Variants in SMG6 observed in about 807,000 individuals in gnomAD.
SMG6 encodes the protein telomerase-binding protein EST1A.
Under a neutral mutation model 142.2 loss-of-function variants are expected in SMG6, and 66 were observed. The observed-to-expected ratio is 0.46, with a 90% CI of 0.38 to 0.57. The LOEUF is 0.57. Ranked by LOEUF, SMG6 falls within the 20% of genes least tolerant of loss-of-function variation. The pLI, the probability that SMG6 is intolerant of heterozygous loss-of-function variation, is 0.00. For synonymous variants in SMG6, 779 were observed against 702.4 expected (o/e 1.11, Z -1.72); for missense variants, 1,793 against 1,832.0 (o/e 0.98, Z 0.39).
At chr17:2,173,630 T>C (rs2071572574) in intron 12 of SMG6, among the ~76,000 whole-genome samples, 1 of 152,150 alleles carries the variant, frequency 6.6e-6, no homozygotes, top group East Asian at 1.9e-4. Context: ...CCCCCAGTCC[T>C]GGGCAAACTG....
intron 8 of SMG6, among the ~76,000 whole-genome samples, chr17:2,247,445 A>C (rs1042548932): frequency 6.6e-6 from 1 of 152,186 alleles, no homozygotes; most frequent in South Asian, 2.1e-4. Flanking sequence ...TCCCTTATAA[A>C]CTGGTTCTAT....
chr17:2,302,076 C>A (rs1271489540), intron 1 of SMG6, among the ~76,000 whole-genome samples: 1 of 151,792 alleles, frequency 6.6e-6, no homozygotes, highest in Non-Finnish European at 1.5e-5. Context: ...AACATGGCAA[C>A]ACCCTGTCTC....
intron 13 of SMG6, among the ~76,000 whole-genome samples, chr17:2,153,865 C>A (rs1445904069): frequency 1.1e-5 from 1 of 92,572 alleles, no homozygotes; most frequent in African/African-American, 4.5e-5. Context: ...TGGGGATGCA[C>A]GTAGAGTGTG....
At chr17:2,089,851 T>C in intron 13 of SMG6, 1 of 152,186 alleles carries the variant, frequency 6.6e-6, no homozygotes. Flanking sequence ...GTTACTGTTC[T>C]GGGGTATTTA....
chr17:2,154,757 A>G (rs951731495), intron 13 of SMG6, among the ~76,000 whole-genome samples: 1 of 152,222 alleles, frequency 6.6e-6, no homozygotes, highest in African/African-American at 2.4e-5. Flanking sequence ...ATTAAAAAGT[A>G]TAAGGACAGC....
chr17:2,197,371 C>G (rs2072361787), intron 10 of SMG6, among the ~76,000 whole-genome samples: 1 of 151,958 alleles, frequency 6.6e-6, no homozygotes. Context: ...TGAGACCAGC[C>G]CTGGCAACAT....
At chr17:2,266,252 G>A in intron 8 of SMG6, 1 of 871,246 alleles carries the variant, frequency 1.1e-6, no homozygotes, top group Non-Finnish European at 1.4e-6. Context: ...TGGCCTGTGG[G>A]TAACACAGAA....
chr17:2,248,899 T>C (rs1485556955), intron 8 of SMG6, among the ~76,000 whole-genome samples: 4 of 151,940 alleles, frequency 2.6e-5, no homozygotes, highest in Admixed American at 2.6e-4. Flanking sequence ...AACTTTTTTT[T>C]TTTTTGAGAC....
intron 14 of SMG6, among the ~76,000 whole-genome samples, chr17:2,082,530 C>T (rs1332870036): frequency 6.6e-6 from 1 of 152,264 alleles, no homozygotes; most frequent in East Asian, 1.9e-4. Flanking sequence ...ACTGCTGGGC[C>T]CCTTTACTGG....
In SMG6 at chr17:2,286,307, CAAA is replaced by C. The variant is rs74656326; in HGVS notation, c.2338-2575_2338-2573del. 5.6e-5 allele frequency among the ~76,000 whole-genome samples: 5 copies of C among 89,310 alleles called. No homozygotes were observed. In the East Asian group the frequency reaches 1.4e-3, roughly 25 times the overall value. 58.6% of individuals were successfully genotyped at this position (89,310 alleles called of 152,430 possible). ...ATAATTACAAGGGACCTCAAATGGC[CAAA>C]AAAAAAAAAAAAAAACGAAGTTAGG... On this transcript the variant is annotated intron_variant, in intron 6 of 18. Coordinates refer to ENST00000263073, the MANE Select transcript of SMG6 (RefSeq NM_017575.5).
intron 10 of SMG6, among the ~76,000 whole-genome samples, chr17:2,200,774 A>T (rs2072497356): frequency 6.6e-6 from 1 of 152,066 alleles, no homozygotes; most frequent in Non-Finnish European, 1.5e-5. Context: ...CAGTGGCGCA[A>T]TCATAGCTCA....
chr17:2,200,693 C>A (rs941202175), intron 10 of SMG6, among the ~76,000 whole-genome samples: 1 of 152,020 alleles, frequency 6.6e-6, no homozygotes, highest in Non-Finnish European at 1.5e-5. Context: ...GACACACATA[C>A]ACACAATTTA....
chr17:2,133,388 C>G (rs1034992475), intron 13 of SMG6, among the ~76,000 whole-genome samples: 5 of 152,106 alleles, frequency 3.3e-5, no homozygotes, highest in African/African-American at 1.2e-4. Context: ...AAATGGCAGC[C>G]TTCATAACAA....
intron 7 of SMG6, among the ~76,000 whole-genome samples, chr17:2,283,125 G>A (rs377572807): frequency 7.9e-5 from 12 of 152,128 alleles, no homozygotes; most frequent in South Asian, 2.1e-4. Flanking sequence ...AGCCAAGATC[G>A]CATCACTGCA....
intron 6 of SMG6, among the ~76,000 whole-genome samples, chr17:2,285,137 T>C (rs903297219): frequency 6.6e-6 from 1 of 152,246 alleles, no homozygotes; most frequent in Non-Finnish European, 1.5e-5. Context: ...TACAGCTCAC[T>C]TGTTTTCTCA....
At chr17:2,224,196 T>C (rs529177461) in intron 10 of SMG6, among the ~76,000 whole-genome samples, 1 of 152,282 alleles carries the variant, frequency 6.6e-6, no homozygotes, top group Non-Finnish European at 1.5e-5. Flanking sequence ...CCTAAGAACA[T>C]TTGCTACCTG....
At chr17:2,087,411 A>G (rs1318237203) in intron 13 of SMG6, 1 of 1,185,470 alleles carries the variant, frequency 8.4e-7, no homozygotes, top group African/African-American at 1.6e-5. Context: ...ACCTTCACCA[A>G]AAAGCCAACC....
intron 13 of SMG6, among the ~76,000 whole-genome samples, chr17:2,155,364 A>C (rs2070969239): frequency 6.6e-6 from 1 of 152,228 alleles, no homozygotes; most frequent in Non-Finnish European, 1.5e-5. Context: ...GAATGAACCA[A>C]GAAATCTGTC....
chr17:2,114,417 A>C (rs1337114322), intron 13 of SMG6, among the ~76,000 whole-genome samples: 1 of 152,224 alleles, frequency 6.6e-6, no homozygotes, highest in Non-Finnish European at 1.5e-5. Flanking sequence ...AAAATGAAGA[A>C]AGCATCCATC....
Sources: allele counts gnomAD v4.1 joint callset (sites outside exome capture counted in the v4.1 genomes callset), GRCh38; gene constraint gnomAD v4.1.1; transcripts MANE v1.5; gene names NCBI Gene and HGNC (gene_info 2026-07-23, HGNC 2026-07-21).